Variants in DYRK1A observed in about 807,000 individuals in gnomAD.
DYRK1A encodes dual specificity tyrosine phosphorylation regulated kinase 1A, also known as dual specificity tyrosine-phosphorylation-regulated kinase 1A.
A neutral mutation model predicts 79.7 loss-of-function variants in DYRK1A; 9 were observed. That is an observed-to-expected ratio of 0.11 (90% CI 0.07 to 0.20). The LOEUF (loss-of-function observed/expected upper bound fraction) is 0.20, where lower values mean the gene tolerates loss of function less well. Ranked by LOEUF, DYRK1A falls within the 10% of genes least tolerant of loss-of-function variation. The pLI is 1.00. For missense variants in DYRK1A, 622 were observed against 956.0 expected, an observed-to-expected ratio of 0.65 and a Z score of 4.61; for synonymous variants, 349 against 329.7, an observed-to-expected ratio of 1.06 and a Z score of -0.63.
Position 37,371,727 on chromosome 21 carries a change from C to T in DYRK1A, c.-77+4099C>T, listed in dbSNP as rs182288482. On this transcript the variant is annotated intron_variant, in intron 1 of 11. Transcript: ENST00000647188. ...TAATAGCTTAAAATGTGTCTTTGTTCTTGTCAGTGAATATTCTTGTTTTAT... is the reference window on the plus strand; with the variant it reads ...TAATAGCTTAAAATGTGTCTTTGTTTTTGTCAGTGAATATTCTTGTTTTAT... Among the ~76,000 whole-genome samples the T allele has an allele frequency of 4.8e-3, 728 of 152,090 alleles. 4 individuals are homozygous for T. The highest frequency in any genetic ancestry group is 0.041 in the Middle Eastern group (12 of 294).
intron 1 of DYRK1A, among the ~76,000 whole-genome samples, chr21:37,410,386 G>T (rs1021157315): frequency 3.3e-5 from 5 of 152,146 alleles, no homozygotes; most frequent in African/African-American, 1.2e-4. Context: ...TTATGACTAG[G>T]GATTGGAAGC....
chr21:37,374,406 C>T (rs2049495494), intron 1 of DYRK1A, among the ~76,000 whole-genome samples: 2 of 150,946 alleles, frequency 1.3e-5, no homozygotes, highest in South Asian at 4.2e-4. Context: ...ATCTAAGATT[C>T]CCTTAAACTA....
rs530213912 is a variant in DYRK1A, at chr21:37,382,787, T to C, written c.-77+15159T>C. Among the ~76,000 whole-genome samples, 16 of 152,334 alleles carry C rather than the reference T, an allele frequency of 1.1e-4. No individual in the cohort carries two copies. In the East Asian group the frequency reaches 2.9e-3, roughly 28 times the overall value. On this transcript the variant is annotated intron_variant, in intron 1 of 11. Transcript: ENST00000647188. Reference sequence around the variant, plus strand: ...AATATACCTAGAAAGTGATTGGTATTATCCGTGTTTACCTCCAGATAATAA... The same window carrying C: ...AATATACCTAGAAAGTGATTGGTATCATCCGTGTTTACCTCCAGATAATAA...
At chr21:37,479,635 T>TTTTTTTTTTTTTTG in intron 4 of DYRK1A, among the ~76,000 whole-genome samples, 1 of 135,294 alleles carries the variant, frequency 7.4e-6, no homozygotes, top group African/African-American at 3.0e-5. Flanking sequence ...TTTTTTTTTT[T>TTTTTTTTTTTTTTG]TGGAGACAGA....
intron 1 of DYRK1A, among the ~76,000 whole-genome samples, chr21:37,403,661 A>ATGTGTGTG (rs1385707900): frequency 7.1e-5 from 8 of 113,374 alleles, no homozygotes; most frequent in African/African-American, 2.0e-4. Context: ...ATATATATAT[A>ATGTGTGTG]TATGTGTGTG....
intron 3 of DYRK1A, among the ~76,000 whole-genome samples, chr21:37,474,167 C>G (rs2052320401): frequency 6.6e-6 from 1 of 152,168 alleles, no homozygotes. Flanking sequence ...AGATACAGTG[C>G]TCTTTCAGGT....
At chr21:37,429,850 T>C (rs2050728535) in intron 2 of DYRK1A, among the ~76,000 whole-genome samples, 1 of 152,248 alleles carries the variant, frequency 6.6e-6, no homozygotes, top group South Asian at 2.1e-4. Flanking sequence ...CGTTTCCACT[T>C]ACAGGGGTAA....
At chr21:37,508,187 T>C (rs574881085) in intron 11 of DYRK1A, among the ~76,000 whole-genome samples, 154 of 152,350 alleles carry the variant, frequency 1.0e-3, no homozygotes, top group Admixed American at 1.9e-3. Flanking sequence ...ACTTGTCTTA[T>C]TAGAATGGAG....
intron 1 of DYRK1A, among the ~76,000 whole-genome samples, chr21:37,390,372 C>G (rs1602388141): frequency 6.6e-6 from 1 of 152,140 alleles, no homozygotes; most frequent in African/African-American, 2.4e-5. Context: ...TATTTGAAAA[C>G]TGTAGTGCAT....
chr21:37,448,145 CAGTTG>C (rs2051331128), intron 2 of DYRK1A, among the ~76,000 whole-genome samples: 1 of 152,058 alleles, frequency 6.6e-6, no homozygotes, highest in Non-Finnish European at 1.5e-5. Context: ...CGGGATTGTT[CAGTTG>C]AGTGTTTGTT....
chr21:37,455,056 GA>G (rs1450690022), intron 2 of DYRK1A, among the ~76,000 whole-genome samples: 1 of 132,474 alleles, frequency 7.5e-6, no homozygotes, highest in African/African-American at 2.9e-5. Flanking sequence ...CAGCATACTT[GA>G]GCAGGTTAGG....
At chr21:37,471,257 A>G (rs73903996) in intron 2 of DYRK1A, among the ~76,000 whole-genome samples, 1 of 152,206 alleles carries the variant, frequency 6.6e-6, no homozygotes, top group Non-Finnish European at 1.5e-5. Flanking sequence ...GGGAATGAGC[A>G]AGATTGGGCA....
intron 2 of DYRK1A, among the ~76,000 whole-genome samples, chr21:37,426,220 G>T (rs1187603038): frequency 6.6e-6 from 1 of 152,160 alleles, no homozygotes; most frequent in Non-Finnish European, 1.5e-5. Flanking sequence ...GATCCTTCAT[G>T]AAAAGGGAAG....
At chr21:37,378,843 A>G (rs2049600872) in intron 1 of DYRK1A, among the ~76,000 whole-genome samples, 1 of 152,226 alleles carries the variant, frequency 6.6e-6, no homozygotes, top group East Asian at 1.9e-4. Flanking sequence ...GAGAGCTAGA[A>G]GAGCACAGGA....
chr21:37,479,602 TTTTG>T (rs1305625412), intron 4 of DYRK1A, among the ~76,000 whole-genome samples: 33 of 72,294 alleles, frequency 4.6e-4, no homozygotes, highest in African/African-American at 3.5e-3. Context: ...TTGTTTTTGT[TTTTG>T]TTTTTGTTTT....
chr21:37,434,457 CA>C (rs2050866652), intron 2 of DYRK1A, among the ~76,000 whole-genome samples: 1 of 152,200 alleles, frequency 6.6e-6, no homozygotes, highest in Non-Finnish European at 1.5e-5. Flanking sequence ...AAGAAACTCT[CA>C]ACCACTCAGA....
At chr21:37,390,769 C>T (rs188344269) in intron 1 of DYRK1A, among the ~76,000 whole-genome samples, 10 of 152,122 alleles carry the variant, frequency 6.6e-5, no homozygotes, top group Admixed American at 6.5e-4. Flanking sequence ...GGGGTTTCGC[C>T]ATGTTGCCCA....
At chr21:37,494,973 G>A (rs1240245833) in intron 8 of DYRK1A, among the ~76,000 whole-genome samples, 1 of 151,256 alleles carries the variant, frequency 6.6e-6, no homozygotes, top group Non-Finnish European at 1.5e-5. Flanking sequence ...GTGTGTTTGT[G>A]TGTATATGTA....
rs2053770084 is a variant in DYRK1A, at chr21:37,512,121, A to T, written c.1855A>T (p.Thr619Ser). The change falls in exon 12 of 12, where the codon ACC (threonine) becomes TCC (serine). Residue 619 changes from threonine (T) to serine (S), a missense_variant. Thr to Ser is a moderately conservative substitution (Grantham distance 58). Transcript: ENST00000647188. Reference protein sequence around the residue: ...HHGQQALGNRTRPRVYNSPTN... With the variant: ...HHGQQALGNRSRPRVYNSPTN... ...TGGACAACAAGCCTTGGGTAACCGG[A>T]CCAGGCCAAGGGTCTACAATTCTCC... The T allele has an allele frequency of 6.2e-7, 1 of 1,614,050 alleles. No individual in the cohort carries two copies. Among genetic ancestry groups the T allele is most frequent in the African/African-American group, 1.3e-5 (1 of 74,916 alleles).
Sources: allele counts gnomAD v4.1 joint callset (sites outside exome capture counted in the v4.1 genomes callset), GRCh38; gene constraint gnomAD v4.1.1; transcripts MANE v1.5; gene names NCBI Gene and HGNC (gene_info 2026-07-23, HGNC 2026-07-21).